PAK5: variants seen among roughly 807,000 people sequenced by gnomAD.
PAK5 encodes the protein serine/threonine-protein kinase PAK 5.
A neutral mutation model predicts 65.9 loss-of-function variants in PAK5; 16 were observed. That is an observed-to-expected ratio of 0.24 (90% CI 0.16 to 0.37). PAK5 has a LOEUF of 0.37. PAK5 is among the 10% of genes least tolerant of loss of function. The pLI is 1.00. For missense variants in PAK5, 785 were observed against 903.9 expected, an observed-to-expected ratio of 0.87 and a Z score of 1.69; for synonymous variants, 371 against 354.9, an observed-to-expected ratio of 1.05 and a Z score of -0.51.
intron 3 of PAK5, among the ~76,000 whole-genome samples, chr20:9,636,660 A>G (rs1424190364): frequency 6.6e-6 from 1 of 152,226 alleles, no homozygotes; most frequent in African/African-American, 2.4e-5. Flanking sequence ...CTAACAATTT[A>G]AAAAACTTCA....
chr20:9,756,160 G>C (rs1489135826), intron 1 of PAK5, among the ~76,000 whole-genome samples: 1 of 152,160 alleles, frequency 6.6e-6, no homozygotes, highest in Non-Finnish European at 1.5e-5. Flanking sequence ...CAGCAGCAAT[G>C]CATTTGTGAA....
At chr20:9,801,379 T>A (rs116464559) in intron 1 of PAK5, among the ~76,000 whole-genome samples, 1,698 of 151,682 alleles carry the variant, frequency 0.011, 25 homozygotes, top group African/African-American at 0.037. Flanking sequence ...TTTTATAGAT[T>A]TTTTTTCCCA....
chr20:9,580,859 G>A lies in PAK5; in HGVS notation c.276C>T (p.Ile92=). The stretch of plus-strand genomic sequence containing the variant: ...TTAGGGAGTTGGAGCGAGTCACCGA[G>A]ATGTTGTCAAAATCCTCTAGCAGGC... ...INGLLEDFDN[I]SVTRSNSLRK... The change falls in exon 4 of 10, where the codon ATC becomes ATT. Residue 92 remains isoleucine (I), a synonymous_variant. Transcript: ENST00000353224. 1.2e-6 allele frequency: 2 copies of A among 1,613,456 alleles called. No homozygotes were observed. The highest frequency in any genetic ancestry group is 1.7e-6 in the Non-Finnish European group (2 of 1,179,768).
At chr20:9,638,606 C>A (rs567691558) in intron 3 of PAK5, among the ~76,000 whole-genome samples, 1 of 152,324 alleles carries the variant, frequency 6.6e-6, no homozygotes, top group South Asian at 2.1e-4. Context: ...CATCCCAGTT[C>A]TACTGAATCA....
chr20:9,683,223 C>T (rs1451020498), intron 2 of PAK5, among the ~76,000 whole-genome samples: 2 of 152,172 alleles, frequency 1.3e-5, no homozygotes, highest in Admixed American at 1.3e-4. Flanking sequence ...TGGCTCTGTT[C>T]TCCGAAGGAA....
intron 3 of PAK5, among the ~76,000 whole-genome samples, chr20:9,587,567 G>A (rs1401366520): frequency 1.3e-5 from 2 of 152,112 alleles, no homozygotes; most frequent in African/African-American, 4.8e-5. Flanking sequence ...TCATCTCAGG[G>A]TGGGAAGACT....
intron 1 of PAK5, among the ~76,000 whole-genome samples, chr20:9,806,159 T>C (rs2049230308): frequency 6.6e-6 from 1 of 151,732 alleles, no homozygotes; most frequent in Non-Finnish European, 1.5e-5. Flanking sequence ...TTTATTTATT[T>C]TGTATTTTTA....
chr20:9,768,761 C>T (rs2048799237), intron 1 of PAK5, among the ~76,000 whole-genome samples: 2 of 109,774 alleles, frequency 1.8e-5, no homozygotes, highest in Non-Finnish European at 3.3e-5. Context: ...CCAGCCTGGG[C>T]AACAGAGCAA....
At chr20:9,776,924 T>C (rs2123689384) in intron 1 of PAK5, among the ~76,000 whole-genome samples, 1 of 152,280 alleles carries the variant, frequency 6.6e-6, no homozygotes, top group Non-Finnish European at 1.5e-5. Flanking sequence ...ATTTGCTACA[T>C]AGCAATTAAA....
chr20:9,778,794 C>T (rs1179679220), intron 1 of PAK5, among the ~76,000 whole-genome samples: 1 of 152,106 alleles, frequency 6.6e-6, no homozygotes, highest in African/African-American at 2.4e-5. Context: ...AAAGGGTGCT[C>T]AGTATACATG....
At chr20:9,581,621 G>C (rs544682377) in intron 3 of PAK5, among the ~76,000 whole-genome samples, 1 of 152,264 alleles carries the variant, frequency 6.6e-6, no homozygotes, top group East Asian at 1.9e-4. Context: ...CCACACTTCT[G>C]TGTAACATCA....
chr20:9,549,555 T>C (rs1008580461), intron 7 of PAK5, among the ~76,000 whole-genome samples: 6 of 152,118 alleles, frequency 3.9e-5, no homozygotes, highest in Admixed American at 1.3e-4. Context: ...AAAACAGGTG[T>C]AGACATGCTG....
intron 1 of PAK5, among the ~76,000 whole-genome samples, chr20:9,806,058 G>T (rs2049228097): frequency 6.6e-6 from 1 of 152,148 alleles, no homozygotes; most frequent in African/African-American, 2.4e-5. Flanking sequence ...TCTGCCTCCT[G>T]GGTTCAAGCA....
At chr20:9,734,952 A>G (rs190200179) in intron 1 of PAK5, among the ~76,000 whole-genome samples, 2 of 152,300 alleles carry the variant, frequency 1.3e-5, no homozygotes, top group Non-Finnish European at 2.9e-5. Flanking sequence ...CATTTGTCAA[A>G]ATTATTCTTG....
At chr20:9,771,200 C>T (rs1357084552) in intron 1 of PAK5, among the ~76,000 whole-genome samples, 1 of 152,080 alleles carries the variant, frequency 6.6e-6, no homozygotes, top group Non-Finnish European at 1.5e-5. Context: ...TGCTTAAAAG[C>T]CACATAGCCC....
intron 1 of PAK5, among the ~76,000 whole-genome samples, chr20:9,716,045 TA>T (rs552948367): frequency 8.0e-5 from 12 of 149,984 alleles, no homozygotes; most frequent in Admixed American, 8.0e-4. Context: ...TAAAGTGTAA[TA>T]AAAAATATGT....
At chr20:9,760,309 G>A (rs1008904240) in intron 1 of PAK5, among the ~76,000 whole-genome samples, 2 of 152,124 alleles carry the variant, frequency 1.3e-5, no homozygotes, top group Non-Finnish European at 2.9e-5. Context: ...AGTTCTCCAT[G>A]CTATTCATCA....
chr20:9,660,772 T>A (rs1460273389), intron 2 of PAK5, among the ~76,000 whole-genome samples: 1 of 152,022 alleles, frequency 6.6e-6, no homozygotes, highest in Non-Finnish European at 1.5e-5. Context: ...GATGTGGATA[T>A]TCCTGGTGGG....
intron 6 of PAK5, among the ~76,000 whole-genome samples, chr20:9,558,698 G>A (rs1001608242): frequency 6.6e-6 from 1 of 152,152 alleles, no homozygotes; most frequent in African/African-American, 2.4e-5. Flanking sequence ...AGGAGCTAGA[G>A]GTTTTTGTCG....
Sources: allele counts gnomAD v4.1 joint callset (sites outside exome capture counted in the v4.1 genomes callset), GRCh38; gene constraint gnomAD v4.1.1; transcripts MANE v1.5; gene names NCBI Gene and HGNC (gene_info 2026-07-23, HGNC 2026-07-21).